The following HCRTR2 variants were observed in gnomAD, a reference collection of about 807,000 sequenced individuals.
HCRTR2 encodes hypocretin receptor 2.
HCRTR2 carries 22 observed loss-of-function variants against 49.0 expected under a neutral mutation model. That is an observed-to-expected ratio of 0.45 (90% CI 0.32 to 0.64). The LOEUF is 0.64. HCRTR2 is among the 30% of genes least tolerant of loss of function. HCRTR2 has a pLI of 0.04. For synonymous variants in HCRTR2, 236 were observed against 205.3 expected, an observed-to-expected ratio of 1.15 and a Z score of -1.28; for missense variants, 491 against 559.4, an observed-to-expected ratio of 0.88 and a Z score of 1.23.
intron 1 of HCRTR2, among the ~76,000 whole-genome samples, chr6:55,176,533 T>C (rs1391880996): frequency 6.6e-6 from 1 of 152,172 alleles, no homozygotes; most frequent in Non-Finnish European, 1.5e-5. Context: ...ATAATCAAAA[T>C]TGAACATATA....
intron 4 of HCRTR2, among the ~76,000 whole-genome samples, chr6:55,267,661 A>G (rs2127324960): frequency 1.3e-5 from 2 of 152,234 alleles, no homozygotes; most frequent in South Asian, 4.1e-4. Context: ...GGACTGTAAT[A>G]GATATTTGGG....
chr6:55,117,783 CAAAAAA>C (rs34425786), intron 1 of HCRTR2, among the ~76,000 whole-genome samples: 2 of 78,312 alleles, frequency 2.6e-5, no homozygotes, highest in Non-Finnish European at 4.7e-5. Flanking sequence ...GATAAAGTCT[CAAAAAA>C]AAAAAAAAAA....
chr6:55,133,678 T>A (rs1022520701), intron 1 of HCRTR2, among the ~76,000 whole-genome samples: 2 of 149,632 alleles, frequency 1.3e-5, no homozygotes, highest in Non-Finnish European at 3.0e-5. Context: ...TCTATCTATC[T>A]ATCTATCTAT....
At chr6:55,117,870 G>GTT (rs1370900525) in intron 1 of HCRTR2, among the ~76,000 whole-genome samples, 1 of 124,354 alleles carries the variant, frequency 8.0e-6, no homozygotes, top group Non-Finnish European at 1.8e-5. Flanking sequence ...CAGACTGTTT[G>GTT]TTTTTTTTTC....
chr6:55,155,925 G>A (rs1211307581), intron 1 of HCRTR2, among the ~76,000 whole-genome samples: 1 of 151,838 alleles, frequency 6.6e-6, no homozygotes, highest in African/African-American at 2.4e-5. Flanking sequence ...TTATATCATA[G>A]ATTAACTTGT....
At chr6:55,224,356 G>A (rs1352244804) in intron 1 of HCRTR2, among the ~76,000 whole-genome samples, 1 of 152,068 alleles carries the variant, frequency 6.6e-6, no homozygotes, top group East Asian at 1.9e-4. Context: ...GGTGGCTCAC[G>A]CCTGTAATCG....
At chr6:55,134,447 G>A (rs1461995547) in intron 1 of HCRTR2, among the ~76,000 whole-genome samples, 3 of 151,358 alleles carry the variant, frequency 2.0e-5, no homozygotes, top group Non-Finnish European at 4.4e-5. Flanking sequence ...TCTCACATAG[G>A]TACCATTTGT....
intron 1 of HCRTR2, among the ~76,000 whole-genome samples, chr6:55,246,437 AC>A (rs1562020678): frequency 6.6e-6 from 1 of 151,944 alleles, no homozygotes; most frequent in Non-Finnish European, 1.5e-5. Context: ...GTTTTAAATT[AC>A]CTGGTATTAT....
intron 1 of HCRTR2, among the ~76,000 whole-genome samples, chr6:55,216,900 T>C (rs1765797434): frequency 6.6e-6 from 1 of 152,180 alleles, no homozygotes; most frequent in African/African-American, 2.4e-5. Context: ...TCCCCATGCT[T>C]TTAGATACAT....
intron 1 of HCRTR2, among the ~76,000 whole-genome samples, chr6:55,134,153 A>C (rs1581788953): frequency 6.6e-6 from 1 of 151,850 alleles, no homozygotes; most frequent in East Asian, 1.9e-4. Context: ...ATGGTTATCT[A>C]GTGAATTTCA....
rs202070686 is a variant in HCRTR2 at position 55,280,314 on chromosome 6, T to C, written c.984-9T>C. 3.0e-4 allele frequency: 464 copies of C among 1,564,942 alleles called. 1 individual carries two copies. Among genetic ancestry groups the C allele is most frequent in the African/African-American group, 1.5e-3 (114 of 73,850 alleles). ...AAAAGACACTTTTCTGTTGTTTCTT[T>C]TCCTGCAGAGTATTTGGGATGTTTG... On this transcript the variant is annotated splice_polypyrimidine_tract_variant and intron_variant, in intron 5 of 6. Coordinates refer to ENST00000370862, the MANE Select transcript of HCRTR2 (RefSeq NM_001384272.1).
upstream of HCRTR2, chr6:55,174,428 A>C (rs879112152): frequency 2.0e-5 from 14 of 693,388 alleles, no homozygotes; most frequent in South Asian, 2.0e-4. Flanking sequence ...GCCCGGCAGA[A>C]GACTCCGGAG....
intron 1 of HCRTR2, among the ~76,000 whole-genome samples, chr6:55,156,515 T>C (rs1764731753): frequency 1.3e-5 from 2 of 151,862 alleles, no homozygotes; most frequent in South Asian, 4.1e-4. Flanking sequence ...CCAGTATTAC[T>C]CTTATACTAA....
intron 1 of HCRTR2, among the ~76,000 whole-genome samples, chr6:55,236,216 A>ATT (rs1262809067): frequency 6.6e-6 from 1 of 151,722 alleles, no homozygotes; most frequent in Non-Finnish European, 1.5e-5. Context: ...GTTTCTCATT[A>ATT]TTTTTTTCCT....
At chr6:55,192,413 G>GCGCA (rs139180472) in intron 1 of HCRTR2, among the ~76,000 whole-genome samples, 1,407 of 128,492 alleles carry the variant, frequency 0.011, 9 homozygotes, top group African/African-American at 0.019. Context: ...GCGCGCGCGC[G>GCGCA]CACACACACA....
intron 1 of HCRTR2, among the ~76,000 whole-genome samples, chr6:55,237,521 G>T (rs12055777): frequency 0.18 from 27,594 of 152,102 alleles, 2,884 homozygotes; most frequent in Non-Finnish European, 0.24. Context: ...CTAAATTTCC[G>T]GCTCAGCATC....
chr6:55,223,991 A>C (rs983798087), intron 1 of HCRTR2, among the ~76,000 whole-genome samples: 1 of 152,250 alleles, frequency 6.6e-6, no homozygotes, highest in Admixed American at 6.5e-5. Context: ...TGAATTTCCC[A>C]AAATTCACAC....
At chr6:55,108,407 A>G (rs1764003965) in intron 1 of HCRTR2, among the ~76,000 whole-genome samples, 1 of 152,090 alleles carries the variant, frequency 6.6e-6, no homozygotes, top group African/African-American at 2.4e-5. Flanking sequence ...AAACTCCGAG[A>G]GACAGCTGAA....
chr6:55,121,858 T>C (rs1199979245), intron 1 of HCRTR2, among the ~76,000 whole-genome samples: 1 of 152,170 alleles, frequency 6.6e-6, no homozygotes, highest in African/African-American at 2.4e-5. Flanking sequence ...CTGGATTTGG[T>C]TTGCCAGTAT....
Sources: allele counts gnomAD v4.1 joint callset (sites outside exome capture counted in the v4.1 genomes callset), GRCh38; gene constraint gnomAD v4.1.1; transcripts MANE v1.5; gene names NCBI Gene and HGNC (gene_info 2026-07-23, HGNC 2026-07-21).